Variants in SHOC1 observed in about 807,000 individuals in gnomAD.
SHOC1 encodes the protein shortage in chiasmata 1, also known as protein shortage in chiasmata 1 ortholog.
In SHOC1, 136 loss-of-function variants were observed where a neutral mutation model predicts 179.2. The observed-to-expected ratio is 0.76, with a 90% CI of 0.66 to 0.87. The LOEUF (loss-of-function observed/expected upper bound fraction) is 0.87, where lower values mean the gene tolerates loss of function less well. SHOC1 is among the 40% of genes least tolerant of loss of function. The pLI, the probability that SHOC1 is intolerant of heterozygous loss-of-function variation, is 0.00. For synonymous variants in SHOC1, 489 were observed against 586.6 expected (o/e 0.83, Z 2.41); for missense variants, 1,538 against 1,700.8 (o/e 0.90, Z 1.68).
At position 111,723,851 on chromosome 9, in the gene SHOC1, G is replaced by T; in HGVS notation, c.1895C>A (p.Thr632Asn). ...EESPIVHINK[T>N]LEEINQERGT... ...CCTTTCCTGATTTATTTCCTCCAGGGTTTTATTAATATGAACAATAGGACT... is the reference window on the plus strand; with the variant it reads ...CCTTTCCTGATTTATTTCCTCCAGGTTTTTATTAATATGAACAATAGGACT... The change falls in exon 14 of 28, where the codon ACC (threonine) becomes AAC (asparagine). Residue 632 changes from threonine to asparagine, a missense_variant. Transcript: ENST00000682961. The T allele has an allele frequency of 6.2e-7, 1 of 1,603,366 alleles. No homozygotes were observed. The highest frequency in any genetic ancestry group is 1.1e-5 in the South Asian group (1 of 90,676).
chr9:111,711,718 C>A (rs28751954), intron 18 of SHOC1, among the ~76,000 whole-genome samples: 8,362 of 152,066 alleles, frequency 0.055, 561 homozygotes, highest in African/African-American at 0.16. Context: ...TTTGTATAGT[C>A]ATTCAGAAAA....
At chr9:111,766,254 A>G (rs1835355959) in intron 5 of SHOC1, among the ~76,000 whole-genome samples, 1 of 152,184 alleles carries the variant, frequency 6.6e-6, no homozygotes, top group Non-Finnish European at 1.5e-5. Context: ...GTGGCTGAAT[A>G]ATATTCCATT....
Position 111,714,665 on chromosome 9 carries a change from T to C in SHOC1, c.2237-42A>G, listed in dbSNP as rs767262009. The C allele has an allele frequency of 5.2e-6, 8 of 1,535,622 alleles. No homozygotes were observed. In the South Asian group the frequency reaches 9.9e-5, roughly 19 times the overall value. On this transcript the variant is annotated intron_variant, in intron 16 of 27. Coordinates refer to ENST00000682961, the MANE Select transcript of SHOC1 (RefSeq NM_001378211.1). ...AGAAAAAAATTGTCTAAGTATTTGTTTTTTAAGAAACTCCGTGGTAAAAAA... is the reference window on the plus strand; with the variant it reads ...AGAAAAAAATTGTCTAAGTATTTGTCTTTTAAGAAACTCCGTGGTAAAAAA...
At chr9:111,714,189 A>AT (rs869069087) in intron 17 of SHOC1, among the ~76,000 whole-genome samples, 3 of 151,860 alleles carry the variant, frequency 2.0e-5, no homozygotes, top group African/African-American at 4.8e-5. Flanking sequence ...TAATTTAAAA[A>AT]TTTTTTTTAT....
At chr9:111,790,640 AT>A (rs60140506) in intron 2 of SHOC1, among the ~76,000 whole-genome samples, 122,590 of 152,058 alleles carry the variant, frequency 0.81, 49,598 homozygotes, top group East Asian at 0.92. Flanking sequence ...CACTTCCCAG[AT>A]TTCAAGTGAT....
At chr9:111,697,190 C>CTT (rs543211755) in intron 24 of SHOC1, among the ~76,000 whole-genome samples, 6 of 142,132 alleles carry the variant, frequency 4.2e-5, no homozygotes, top group East Asian at 2.0e-4. Context: ...CTTTTCTCTC[C>CTT]TTTTTTTTTT....
At chr9:111,788,005 T>C (rs1294298787) in intron 2 of SHOC1, among the ~76,000 whole-genome samples, 1 of 152,104 alleles carries the variant, frequency 6.6e-6, no homozygotes, top group Non-Finnish European at 1.5e-5. Flanking sequence ...GTTATGCCCA[T>C]GGTTTTTTAA....
chr9:111,759,174 G>A (rs372628043), intron 5 of SHOC1: 24 of 1,612,118 alleles, frequency 1.5e-5, no homozygotes, highest in Non-Finnish European at 1.7e-5. Context: ...ATAGCCAGGC[G>A]TAGCCTAAGC....
chr9:111,763,994 C>A (rs1835251151), intron 5 of SHOC1, among the ~76,000 whole-genome samples: 1 of 152,074 alleles, frequency 6.6e-6, no homozygotes, highest in Non-Finnish European at 1.5e-5. Flanking sequence ...TTTCAGTTAC[C>A]CACAGTCAAC....
intron 5 of SHOC1, among the ~76,000 whole-genome samples, chr9:111,768,800 G>T (rs1835456294): frequency 6.6e-6 from 1 of 152,022 alleles, no homozygotes; most frequent in Non-Finnish European, 1.5e-5. Flanking sequence ...GTTTTATGTT[G>T]AATAAAAGTG....
At position 111,703,922 on chromosome 9, in the gene SHOC1, C is replaced by A; in HGVS notation, c.2926G>T (p.Val976Leu). 6.2e-7 allele frequency: 1 copy of A among 1,610,406 alleles called. No homozygotes were observed. Among genetic ancestry groups the A allele is most frequent in the Non-Finnish European group, 8.5e-7 (1 of 1,178,202 alleles). ...LKLFGSSECY[V>L]VVTIDEHTAI... ...GTGTGTTCATCAATTGTCACCACTA[C>A]ATAACACTCTGAACTTCCAAAGAGT... Residue 976 changes from valine (V) to leucine (L), a missense_variant, in exon 22 of 28, where the codon GTA (valine) becomes TTA (leucine). Coordinates refer to ENST00000682961, the MANE Select transcript of SHOC1 (RefSeq NM_001378211.1).
chr9:111,705,998 G>A (rs150386086), intron 20 of SHOC1, among the ~76,000 whole-genome samples: 151 of 152,150 alleles, frequency 9.9e-4, no homozygotes, highest in African/African-American at 3.4e-3. Flanking sequence ...CATATTTGAG[G>A]TGAATAGAAA....
chr9:111,780,379 G>A (rs1835993169), intron 4 of SHOC1, among the ~76,000 whole-genome samples: 1 of 152,174 alleles, frequency 6.6e-6, no homozygotes, highest in South Asian at 2.1e-4. Context: ...TTACAATGTA[G>A]AACAGGTTAG....
intron 2 of SHOC1, among the ~76,000 whole-genome samples, chr9:111,789,166 G>T (rs1378707273): frequency 2.6e-5 from 4 of 151,860 alleles, no homozygotes; most frequent in African/African-American, 7.3e-5. Flanking sequence ...GTTTGCTGAA[G>T]GTGTTATAAC....
At chr9:111,779,145 G>A (rs1409552886) in intron 4 of SHOC1, among the ~76,000 whole-genome samples, 1 of 148,230 alleles carries the variant, frequency 6.7e-6, no homozygotes, top group Non-Finnish European at 1.5e-5. Context: ...ATGAAGCACA[G>A]ATACATGTGA....
chr9:111,716,563 G>A (rs1481257171), intron 16 of SHOC1, among the ~76,000 whole-genome samples: 1 of 151,588 alleles, frequency 6.6e-6, no homozygotes, highest in African/African-American at 2.4e-5. Flanking sequence ...GCTAATTTTT[G>A]AATTTTTAGT....
chr9:111,769,066 G>C (rs1208953402), intron 5 of SHOC1, among the ~76,000 whole-genome samples: 1 of 152,062 alleles, frequency 6.6e-6, no homozygotes, highest in Non-Finnish European at 1.5e-5. Flanking sequence ...TTAATGATTT[G>C]TATATGTTGA....
chr9:111,761,197 C>T (rs1209755234), intron 5 of SHOC1, among the ~76,000 whole-genome samples: 1 of 152,048 alleles, frequency 6.6e-6, no homozygotes, highest in Non-Finnish European at 1.5e-5. Flanking sequence ...ACATCAAAAT[C>T]TAAAATAAAA....
At chr9:111,740,978 C>T (rs1834011155) in intron 11 of SHOC1, among the ~76,000 whole-genome samples, 1 of 152,192 alleles carries the variant, frequency 6.6e-6, no homozygotes, top group Non-Finnish European at 1.5e-5. Context: ...ACCTCCGCCT[C>T]CCAGGTTTTC....
Sources: allele counts gnomAD v4.1 joint callset (sites outside exome capture counted in the v4.1 genomes callset), GRCh38; gene constraint gnomAD v4.1.1; transcripts MANE v1.5; gene names NCBI Gene and HGNC (gene_info 2026-07-23, HGNC 2026-07-21).